Variants in AGO1 observed in about 807,000 individuals in gnomAD.
AGO1 encodes protein argonaute-1.
In AGO1, 11 loss-of-function variants were observed where a neutral mutation model predicts 109.2. The observed-to-expected ratio is 0.10, with a 90% CI of 0.06 to 0.17. The LOEUF (loss-of-function observed/expected upper bound fraction) is 0.17. AGO1 is among the 10% of genes least tolerant of loss of function. AGO1 has a pLI of 1.00. For synonymous variants in AGO1, 422 were observed against 418.6 expected (o/e 1.01, Z -0.10); for missense variants, 574 against 1,140.3 (o/e 0.50, Z 7.15).
In AGO1 at chr1:35,923,309, G is replaced by A. The variant is rs940409522; in HGVS notation, c.*3702G>A. On this transcript the variant is annotated 3_prime_UTR_variant, in exon 19 of 19. Coordinates refer to ENST00000373204, the MANE Select transcript of AGO1 (RefSeq NM_012199.5). ...CTTTTTTTTTCTGTTTGTGAATAAG[G>A]CCAGCACTCAAGATGGGCAGCCAAG... 2 of 152,182 alleles carry A rather than the reference G, an allele frequency of 1.3e-5. No homozygotes were observed. The highest frequency in any genetic ancestry group is 2.4e-5 in the African/African-American group (1 of 41,428). The allele number at this position is 152,182 out of a possible 1,614,324, so 9.4% of individuals were successfully genotyped here.
intron 8 of AGO1, among the ~76,000 whole-genome samples, chr1:35,900,681 C>T (rs1250342667): frequency 2.6e-5 from 4 of 152,132 alleles, no homozygotes; most frequent in South Asian, 2.1e-4. Context: ...AAGCCGAGAT[C>T]GTGCCATTGC....
At position 35,905,184 on chromosome 1, in the gene AGO1, A is replaced by C. The variant is rs141400159; in HGVS notation, c.1398-1751A>C. On this transcript the variant is annotated intron_variant, in intron 11 of 18. Transcript: ENST00000373204. ...TCTTTCCTTGAAGTTGAGACCCACTATTCATGAAATCTGGTAACATACTGG... is the reference window on the plus strand; with the variant it reads ...TCTTTCCTTGAAGTTGAGACCCACTCTTCATGAAATCTGGTAACATACTGG... Among the ~76,000 whole-genome samples, 380 of 152,296 alleles carry C rather than the reference A, an allele frequency of 2.5e-3. 3 individuals carry two copies. Among genetic ancestry groups the C allele is most frequent in the African/African-American group, 8.9e-3 (368 of 41,574 alleles).
intron 12 of AGO1, among the ~76,000 whole-genome samples, chr1:35,910,938 C>T (rs1210450569): frequency 6.6e-6 from 1 of 152,054 alleles, no homozygotes; most frequent in Non-Finnish European, 1.5e-5. Flanking sequence ...TGGTGGCGGG[C>T]GCCTGTAATC....
In AGO1 at chr1:35,899,158, C is replaced by CAA. The variant is rs780013693; in HGVS notation, c.1021-2316_1021-2315insAA. Among the ~76,000 whole-genome samples, 14 of 152,336 alleles carry CAA rather than the reference C, an allele frequency of 9.2e-5. No individual in the cohort carries two copies. The East Asian group carries it at 1.5e-3, about 17-fold the overall frequency. ...AATCATAGTATTTGTCCTCTTTTGA[C>CAA]TGGCATATTTCACTTAACACAATGT... On this transcript the variant is annotated intron_variant, in intron 8 of 18. Coordinates refer to ENST00000373204, the MANE Select transcript of AGO1 (RefSeq NM_012199.5).
Position 35,919,473 on chromosome 1 carries a change from G to A in AGO1, c.2466-26G>A, listed in dbSNP as rs768872160. On this transcript the variant is annotated intron_variant, in intron 18 of 18. Transcript: ENST00000373204. This position sits in a 1 kb window ranked among gnomAD's most constrained non-coding sequence, Gnocchi z 6.6. The stretch of plus-strand genomic sequence containing the variant: ...CAGCAGCTCTCAGTTCACCAGGAAG[G>A]ACTTCTTTCATTTTTTCCTTTTCAG... The A allele has an allele frequency of 1.3e-6, 2 of 1,596,524 alleles. No individual in the cohort carries two copies. The highest frequency in any genetic ancestry group is 1.7e-5 in the Admixed American group (1 of 57,972).
At chr1:35,912,360 G>GAAAAAAA (rs753525049) in intron 12 of AGO1, among the ~76,000 whole-genome samples, 1 of 40,610 alleles carries the variant, frequency 2.5e-5, no homozygotes, top group Non-Finnish European at 5.2e-5. Context: ...CTCTGTCTCA[G>GAAAAAAA]AAAAAAAAAA....
At chr1:35,916,829 T>C (rs1303630593) in intron 15 of AGO1, among the ~76,000 whole-genome samples, 3 of 152,262 alleles carry the variant, frequency 2.0e-5, no homozygotes, top group Non-Finnish European at 2.9e-5. Flanking sequence ...TACTAGGTTT[T>C]CTATGCTTTT....
Position 35,923,944 on chromosome 1 carries a change from T to C in AGO1, c.*4337T>C, listed in dbSNP as rs1196028282. ...AGCAATAAGGAAAAATGAAATTACT[T>C]TCCTGTGCACACAGTCCAGCCTAAT... On this transcript the variant is annotated 3_prime_UTR_variant, in exon 19 of 19. Coordinates refer to ENST00000373204, the MANE Select transcript of AGO1 (RefSeq NM_012199.5). 1 of 152,624 alleles carries C rather than the reference T, an allele frequency of 6.6e-6. No homozygotes were observed. The highest frequency in any genetic ancestry group is 1.5e-5 in the Non-Finnish European group (1 of 68,028). The allele number at this position is 152,624 out of a possible 1,614,324, so 9.5% of individuals were successfully genotyped here. A position where few individuals can be genotyped will look rare whatever the true frequency, so the allele number is the denominator to read the frequency against.
Position 35,923,589 on chromosome 1 carries a change from T to C in AGO1, c.*3982T>C, listed in dbSNP as rs1211203653. 2 of 152,676 alleles carry C rather than the reference T, an allele frequency of 1.3e-5. No individual in the cohort carries two copies. The highest frequency in any genetic ancestry group is 6.5e-5 in the Admixed American group (1 of 15,288). The allele number at this position is 152,676 out of a possible 1,614,324, so 9.5% of individuals were successfully genotyped here. ...TTAAAATCTGATCATGGCAGGGATATGCAGGGCACTTTTTACTATTTGGCC... is the reference window on the plus strand; with the variant it reads ...TTAAAATCTGATCATGGCAGGGATACGCAGGGCACTTTTTACTATTTGGCC... On this transcript the variant is annotated 3_prime_UTR_variant, in exon 19 of 19. Coordinates refer to ENST00000373204, the MANE Select transcript of AGO1 (RefSeq NM_012199.5).
chr1:35,907,543 A>G (rs570885306), intron 12 of AGO1, among the ~76,000 whole-genome samples: 8 of 151,756 alleles, frequency 5.3e-5, no homozygotes, highest in African/African-American at 1.9e-4. Context: ...GAGGCTTGCT[A>G]TCTCTCCTCT....
intron 7 of AGO1, 101 bp from the exon 8 acceptor site, chr1:35,895,021 A>G (rs1645293547): frequency 7.0e-7 from 1 of 1,421,446 alleles, no homozygotes; most frequent in African/African-American, 1.5e-5. Flanking sequence ...TTGGGGCCAA[A>G]TGAAAAAGGA....
chr1:35,902,999 C>CATTT (rs1645447002), intron 11 of AGO1, among the ~76,000 whole-genome samples: 1 of 108,806 alleles, frequency 9.2e-6, no homozygotes, highest in East Asian at 2.7e-4. Context: ...CACCTGGAGT[C>CATTT]TTTTTTTTTT....
upstream of AGO1, among the ~76,000 whole-genome samples, chr1:35,880,774 C>T (rs1645028510): frequency 6.6e-6 from 1 of 152,144 alleles, no homozygotes; most frequent in African/African-American, 2.4e-5. Flanking sequence ...ATTCTTGTGC[C>T]TCAGCCTCCC....
Position 35,926,982 on chromosome 1 carries a change from T to C in AGO1, c.*7375T>C, listed in dbSNP as rs1326405001. On this transcript the variant is annotated 3_prime_UTR_variant, in exon 19 of 19. Transcript: ENST00000373204. ...TTTTTTTGGACAAAGTATAATAATATTGAGGGACCTTTCTAGGGAGCCTTT... is the reference window on the plus strand; with the variant it reads ...TTTTTTTGGACAAAGTATAATAATACTGAGGGACCTTTCTAGGGAGCCTTT... The C allele has an allele frequency of 6.7e-6, 1 of 150,024 alleles. No homozygotes were observed. The highest frequency in any genetic ancestry group is 1.5e-5 in the Non-Finnish European group (1 of 67,644). The allele number at this position is 150,024 out of a possible 1,614,324, so 9.3% of individuals were successfully genotyped here. A position where few individuals can be genotyped will look rare whatever the true frequency, so the allele number is the denominator to read the frequency against.
At chr1:35,894,986 TG>T in intron 7 of AGO1, 135 bp from the exon 8 acceptor site, 1 of 1,066,836 alleles carries the variant, frequency 9.4e-7, no homozygotes, top group Non-Finnish European at 1.3e-6. Flanking sequence ...AAGCAAAGTC[TG>T]GGACTTCCTT....
At chr1:35,882,756 GA>G (rs2148705647), upstream of AGO1, 1 of 966,358 alleles carries the variant, frequency 1.0e-6, no homozygotes, top group East Asian at 1.1e-4. The surrounding 1 kb of genome is among the most constrained non-coding windows in gnomAD (Gnocchi z 5.1). Flanking sequence ...AGTGACTAGG[GA>G]CGGAGAAAGA....
At chr1:35,908,187 A>G (rs1340341021) in intron 12 of AGO1, among the ~76,000 whole-genome samples, 1 of 152,210 alleles carries the variant, frequency 6.6e-6, no homozygotes, top group East Asian at 1.9e-4. Flanking sequence ...AGCCTCTTTC[A>G]GCCACCTTGC....
chr1:35,902,932 AT>A (rs1645445749), intron 11 of AGO1, among the ~76,000 whole-genome samples: 1 of 151,540 alleles, frequency 6.6e-6, no homozygotes, highest in Non-Finnish European at 1.5e-5. Flanking sequence ...GGAAAGTGTT[AT>A]AGCCAAATGG....
At chr1:35,898,917 C>T (rs1363587137) in intron 8 of AGO1, among the ~76,000 whole-genome samples, 1 of 152,044 alleles carries the variant, frequency 6.6e-6, no homozygotes, top group Non-Finnish European at 1.5e-5. Flanking sequence ...TAAAATTTAC[C>T]ATTTTAACCA....
Sources: gnomAD v4.1 joint callset for allele counts (sites outside exome capture counted in the v4.1 genomes callset) on GRCh38, gnomAD v4.1.1 for gene constraint, Gnocchi (gnomAD v3.1) non-coding constraint, MANE v1.5 for transcripts, NCBI Gene and HGNC (gene_info 2026-07-23, HGNC 2026-07-21) for gene names.